Variants in KLHL1 observed in about 807,000 individuals in gnomAD.
The protein encoded by KLHL1 is kelch like family member 1.
A neutral mutation model predicts 77.7 loss-of-function variants in KLHL1; 47 were observed. The ratio of observed to expected loss-of-function variants is 0.60; its 90% CI spans 0.48 to 0.77. The LOEUF (loss-of-function observed/expected upper bound fraction) is 0.77, where lower values mean the gene tolerates loss of function less well. Among genes scored for constraint, KLHL1 ranks in the 30% least tolerant of loss-of-function variants. KLHL1 has a pLI of 0.00. For missense variants in KLHL1, 925 were observed against 910.8 expected (o/e 1.02, Z -0.20); for synonymous variants, 360 against 325.2 (o/e 1.11, Z -1.15).
At chr13:69,816,233 T>C (rs554206409) in intron 6 of KLHL1, among the ~76,000 whole-genome samples, 6 of 151,902 alleles carry the variant, frequency 3.9e-5, no homozygotes, top group South Asian at 2.1e-4. Context: ...AATTAATATA[T>C]AGTAAATTTA....
intron 4 of KLHL1, among the ~76,000 whole-genome samples, chr13:69,896,591 A>G (rs1566375635): frequency 1.3e-5 from 2 of 152,210 alleles, no homozygotes; most frequent in Admixed American, 6.5e-5. Flanking sequence ...ATACAAATGT[A>G]TCATATATGC....
At position 69,740,618 on chromosome 13, in the gene KLHL1, T is replaced by C. The variant is rs747193475; in HGVS notation, c.1640-62A>G. ...TAATATCATATTGTACATTTAAAAA[T>C]CTGTTAAGTGGGTAGATCTCATGTT... On this transcript the variant is annotated intron_variant, in intron 7 of 10. Coordinates refer to ENST00000377844, the MANE Select transcript of KLHL1 (RefSeq NM_020866.3). 211 of 1,278,336 alleles carry C rather than the reference T, an allele frequency of 1.7e-4. 1 individual carries two copies. Among genetic ancestry groups the C allele is most frequent in the Non-Finnish European group, 2.1e-4 (192 of 925,220 alleles). The allele number at this position is 1,278,336 out of a possible 1,614,324, so 79.2% of individuals were successfully genotyped here.
chr13:69,757,505 A>G (rs1473741807), intron 7 of KLHL1, among the ~76,000 whole-genome samples: 2 of 152,176 alleles, frequency 1.3e-5, no homozygotes, highest in Non-Finnish European at 2.9e-5. Flanking sequence ...GTCAGATATG[A>G]ATGTTTATTA....
At chr13:70,058,450 A>G (rs886292128) in intron 1 of KLHL1, among the ~76,000 whole-genome samples, 1 of 152,214 alleles carries the variant, frequency 6.6e-6, no homozygotes, top group Non-Finnish European at 1.5e-5. Flanking sequence ...AATCTGAAAA[A>G]GAAATAAAAA....
chr13:69,719,865 A>C (rs556833102), intron 8 of KLHL1, among the ~76,000 whole-genome samples: 1 of 152,142 alleles, frequency 6.6e-6, no homozygotes, highest in East Asian at 1.9e-4. Flanking sequence ...CTGCAAAAAT[A>C]AGTAATATTA....
At chr13:70,080,046 C>T (rs17086338) in intron 1 of KLHL1, among the ~76,000 whole-genome samples, 6,219 of 152,164 alleles carry the variant, frequency 0.041, 428 homozygotes, top group African/African-American at 0.14. Context: ...GGATAGGTAC[C>T]AAGATGTGTT....
At chr13:69,703,342 G>C (rs1439728849) in intron 10 of KLHL1, among the ~76,000 whole-genome samples, 1 of 150,814 alleles carries the variant, frequency 6.6e-6, no homozygotes, top group Non-Finnish European at 1.5e-5. Context: ...CATAGAATAA[G>C]GATATAAAGA....
At chr13:69,877,448 T>C (rs1051833051) in intron 5 of KLHL1, among the ~76,000 whole-genome samples, 1 of 151,804 alleles carries the variant, frequency 6.6e-6, no homozygotes, top group Non-Finnish European at 1.5e-5. Flanking sequence ...AAATCAGGTA[T>C]CCTCTAAGTA....
rs140814780 is a variant in KLHL1, at chr13:70,092,380, C to T, written c.497+14823G>A. Among the ~76,000 whole-genome samples, 99 of 152,174 alleles carry T rather than the reference C, an allele frequency of 6.5e-4. 1 individual carries two copies. In the East Asian group the frequency reaches 0.016, roughly 25 times the overall value. On this transcript the variant is annotated intron_variant, in intron 1 of 10. Transcript: ENST00000377844. ...TTCATGTTGCTTACTCCATTTAGAACGTTTGATTCACTACTCTATGTGTTT... is the reference window on the plus strand; with the variant it reads ...TTCATGTTGCTTACTCCATTTAGAATGTTTGATTCACTACTCTATGTGTTT...
rs573941056 is a variant in KLHL1, at chr13:69,725,332, A to G, written c.1803-5751T>C. 1.7e-4 allele frequency among the ~76,000 whole-genome samples: 26 copies of G among 152,264 alleles called. 1 individual carries two copies. The South Asian group carries it at 2.5e-3, about 15-fold the overall frequency. Reference sequence around the variant, plus strand: ...TCTTGATGTCCCAAAGTGGAGTCCCAGTTACCACAACCATGGTTCAAATAG... The same window carrying G: ...TCTTGATGTCCCAAAGTGGAGTCCCGGTTACCACAACCATGGTTCAAATAG... On this transcript the variant is annotated intron_variant, in intron 8 of 10. Coordinates refer to ENST00000377844, the MANE Select transcript of KLHL1 (RefSeq NM_020866.3).
intron 7 of KLHL1, among the ~76,000 whole-genome samples, chr13:69,785,511 TGG>T (rs1390097821): frequency 6.6e-6 from 1 of 152,008 alleles, no homozygotes; most frequent in Non-Finnish European, 1.5e-5. Flanking sequence ...AAGCAGTGTG[TGG>T]GTAGAGGGAA....
chr13:69,952,551 G>A (rs1411173181), intron 3 of KLHL1, among the ~76,000 whole-genome samples: 3 of 151,258 alleles, frequency 2.0e-5, no homozygotes, highest in African/African-American at 7.3e-5. Flanking sequence ...TATTGTGACA[G>A]GAGTGAAATA....
chr13:70,028,260 C>A (rs1202825845), intron 1 of KLHL1, among the ~76,000 whole-genome samples: 1 of 152,082 alleles, frequency 6.6e-6, no homozygotes, highest in African/African-American at 2.4e-5. Flanking sequence ...CCAGCAAATA[C>A]TTTTATTTGG....
At chr13:70,023,032 A>G (rs1309851123) in intron 1 of KLHL1, among the ~76,000 whole-genome samples, 3 of 151,982 alleles carry the variant, frequency 2.0e-5, no homozygotes, top group Non-Finnish European at 4.4e-5. Flanking sequence ...TCCTCTGGTT[A>G]AAGAATGTTC....
intron 5 of KLHL1, among the ~76,000 whole-genome samples, chr13:69,858,364 CA>C (rs1406355466): frequency 6.6e-6 from 1 of 152,046 alleles, no homozygotes; most frequent in Admixed American, 6.6e-5. Context: ...AACTGTTAAC[CA>C]CATGGAGTTC....
At chr13:69,787,864 C>T (rs562345598) in intron 7 of KLHL1, among the ~76,000 whole-genome samples, 31 of 152,286 alleles carry the variant, frequency 2.0e-4, no homozygotes, top group Non-Finnish European at 4.0e-4. Context: ...ACAGACATTT[C>T]TGAAAAGAAG....
chr13:70,023,403 A>G (rs1251581768), intron 1 of KLHL1, among the ~76,000 whole-genome samples: 1 of 151,918 alleles, frequency 6.6e-6, no homozygotes, highest in Non-Finnish European at 1.5e-5. Context: ...TTTTGGTATC[A>G]GTTCCTTAAG....
intron 1 of KLHL1, among the ~76,000 whole-genome samples, chr13:70,091,602 C>T (rs1181877891): frequency 6.6e-6 from 1 of 152,080 alleles, no homozygotes; most frequent in Admixed American, 6.6e-5. Flanking sequence ...TTAATCATTC[C>T]CTGGCCTTCT....
At chr13:69,863,737 A>G (rs1360982122) in intron 5 of KLHL1, among the ~76,000 whole-genome samples, 1 of 152,054 alleles carries the variant, frequency 6.6e-6, no homozygotes, top group Non-Finnish European at 1.5e-5. Context: ...AAACAGATTC[A>G]GTTGTTCTTG....
Sources: gnomAD v4.1 joint callset for allele counts (sites outside exome capture counted in the v4.1 genomes callset) on GRCh38, gnomAD v4.1.1 for gene constraint, MANE v1.5 for transcripts, NCBI Gene and HGNC (gene_info 2026-07-23, HGNC 2026-07-21) for gene names.